CA1: variants seen among roughly 807,000 people sequenced by gnomAD.
The protein encoded by CA1 is carbonate dehydratase I.
CA1 carries 27 observed loss-of-function variants against 28.8 expected under a neutral mutation model. That is an observed-to-expected ratio of 0.94 (90% CI 0.69 to 1.29). CA1 has a LOEUF of 1.29. Among genes scored for constraint, CA1 ranks in the 50% most tolerant of loss-of-function variants. CA1 has a pLI of 0.00. For missense variants in CA1, 335 were observed against 310.5 expected, an observed-to-expected ratio of 1.08 and a Z score of -0.59; for synonymous variants, 121 against 108.8, an observed-to-expected ratio of 1.11 and a Z score of -0.70.
chr8:85,368,547 A>G (rs908831649), intron 1 of CA1, among the ~76,000 whole-genome samples: 14 of 151,060 alleles, frequency 9.3e-5, no homozygotes, highest in Non-Finnish European at 3.0e-5. Flanking sequence ...TTTTTTTTTC[A>G]CATTTTCTTT....
At position 85,332,750 on chromosome 8, in the gene CA1, C is replaced by A. The variant is rs79322586; in HGVS notation, c.451-198G>T. 4.7e-4 allele frequency among the ~76,000 whole-genome samples: 71 copies of A among 152,000 alleles called. No homozygotes were observed. The East Asian group carries it at 0.013, about 27-fold the overall frequency. On this transcript the variant is annotated intron_variant, in intron 5 of 7. Coordinates refer to ENST00000523022, the MANE Select transcript of CA1 (RefSeq NM_001128831.4). Reference sequence around the variant, plus strand: ...ATAAATTGTTTATAATATGTACCTACAGATAAAAGTAGCAAACAAAAAGTT... The same window carrying A: ...ATAAATTGTTTATAATATGTACCTAAAGATAAAAGTAGCAAACAAAAAGTT...
chr8:85,332,004 T>C (rs925549612), intron 6 of CA1, among the ~76,000 whole-genome samples: 2 of 152,148 alleles, frequency 1.3e-5, no homozygotes, highest in African/African-American at 2.4e-5. Context: ...TGATTTATGG[T>C]TTAACTGCTT....
At chr8:85,354,764 A>G (rs1297444862) in intron 1 of CA1, among the ~76,000 whole-genome samples, 1 of 152,196 alleles carries the variant, frequency 6.6e-6, no homozygotes, top group Non-Finnish European at 1.5e-5. Flanking sequence ...GAGAGAAAAC[A>G]AGTTTGTGAG....
chr8:85,337,445 C>T (rs894612603), intron 3 of CA1, among the ~76,000 whole-genome samples: 5 of 152,122 alleles, frequency 3.3e-5, no homozygotes, highest in Non-Finnish European at 7.4e-5. Flanking sequence ...CATCAAAAAT[C>T]TTTAGTAGTT....
chr8:85,348,203 T>C (rs1809277049), intron 1 of CA1, among the ~76,000 whole-genome samples: 1 of 152,232 alleles, frequency 6.6e-6, no homozygotes, highest in African/African-American at 2.4e-5. Context: ...TAAGATTTCT[T>C]GAATTTTTAA....
intron 1 of CA1, among the ~76,000 whole-genome samples, chr8:85,369,872 C>T (rs1316052724): frequency 6.6e-6 from 1 of 152,136 alleles, no homozygotes; most frequent in Non-Finnish European, 1.5e-5. Context: ...CTGTTATAGT[C>T]CTGGACTTGT....
intron 1 of CA1, among the ~76,000 whole-genome samples, chr8:85,351,096 G>T (rs961151856): frequency 6.6e-6 from 1 of 152,120 alleles, no homozygotes; most frequent in African/African-American, 2.4e-5. Flanking sequence ...ATTTTTGTGT[G>T]TTAAGATTGT....
chr8:85,341,472 A>G (rs1422929922), intron 2 of CA1, 127 bp downstream of exon 2: 2 of 691,136 alleles, frequency 2.9e-6, no homozygotes, highest in Non-Finnish European at 5.2e-6. Flanking sequence ...AGATAGTATA[A>G]TTATTTAAAG....
intron 1 of CA1, among the ~76,000 whole-genome samples, chr8:85,365,593 G>A (rs993033764): frequency 6.6e-6 from 1 of 152,164 alleles, no homozygotes; most frequent in Non-Finnish European, 1.5e-5. Context: ...ATCATTTTAT[G>A]CACTTTGCTT....
At chr8:85,376,254 C>G (rs533796350) in intron 1 of CA1, among the ~76,000 whole-genome samples, 5 of 152,016 alleles carry the variant, frequency 3.3e-5, no homozygotes, top group Admixed American at 3.3e-4. Context: ...TTGCTTGAAC[C>G]GGGAGGCAGA....
chr8:85,333,642 A>T, intron 4 of CA1, 22 bp from the exon 5 acceptor site: 1 of 1,437,292 alleles, frequency 7.0e-7, no homozygotes, highest in Non-Finnish European at 9.8e-7. Context: ...ACTATGGTTA[A>T]TTAATTATTT....
chr8:85,351,234 T>C (rs924644743), intron 1 of CA1, among the ~76,000 whole-genome samples: 2 of 152,262 alleles, frequency 1.3e-5, no homozygotes, highest in Non-Finnish European at 2.9e-5. Context: ...AGTGGCTTTA[T>C]GTAGCCACTT....
intron 6 of CA1, 108 bp downstream of exon 6, chr8:85,332,382 C>A: frequency 7.1e-6 from 6 of 846,888 alleles, no homozygotes; most frequent in Non-Finnish European, 1.2e-5. Context: ...CAGTTGGTAG[C>A]TTTTACTATG....
chr8:85,371,767 T>G (rs1216265045), intron 1 of CA1, among the ~76,000 whole-genome samples: 1 of 152,222 alleles, frequency 6.6e-6, no homozygotes, highest in Non-Finnish European at 1.5e-5. Flanking sequence ...AAGACTGGAT[T>G]GCACTCAGTG....
intron 1 of CA1, among the ~76,000 whole-genome samples, chr8:85,345,347 C>T (rs1436218491): frequency 6.6e-6 from 1 of 152,200 alleles, no homozygotes; most frequent in Non-Finnish European, 1.5e-5. Context: ...TCCAAATTCA[C>T]ATGTCCTCCT....
At chr8:85,369,502 A>G (rs1376319081) in intron 1 of CA1, among the ~76,000 whole-genome samples, 1 of 152,214 alleles carries the variant, frequency 6.6e-6, no homozygotes, top group Non-Finnish European at 1.5e-5. Flanking sequence ...TCTTTGCTTT[A>G]CATAGTGATT....
intron 3 of CA1, chr8:85,337,298 A>G (rs1808702239): frequency 4.0e-6 from 2 of 506,028 alleles, no homozygotes; most frequent in Non-Finnish European, 7.2e-6. Flanking sequence ...TCCCAGCCAC[A>G]CGAGCTACAA....
At chr8:85,375,928 C>T (rs1810398232) in intron 1 of CA1, among the ~76,000 whole-genome samples, 1 of 152,150 alleles carries the variant, frequency 6.6e-6, no homozygotes, top group Non-Finnish European at 1.5e-5. Flanking sequence ...GGATATAAAA[C>T]ATGTAAAAAG....
intron 1 of CA1, among the ~76,000 whole-genome samples, chr8:85,369,777 T>C (rs1176968741): frequency 6.6e-6 from 1 of 152,212 alleles, no homozygotes; most frequent in Non-Finnish European, 1.5e-5. Context: ...TTAATCTTGA[T>C]GTTCTCCACT....
Sources: allele counts gnomAD v4.1 joint callset (sites outside exome capture counted in the v4.1 genomes callset), GRCh38; gene constraint gnomAD v4.1.1; transcripts MANE v1.5; gene names NCBI Gene and HGNC (gene_info 2026-07-23, HGNC 2026-07-21).